SRGAP3: variants seen among roughly 807,000 people sequenced by gnomAD.
SRGAP3 encodes SLIT-ROBO Rho GTPase activating protein 3, also known as SLIT-ROBO Rho GTPase-activating protein 3.
SRGAP3 carries 39 observed loss-of-function variants against 121.1 expected under a neutral mutation model. The observed-to-expected ratio is 0.32, with a 90% confidence interval of 0.25 to 0.42. The LOEUF is 0.42. Among genes scored for constraint, SRGAP3 ranks in the 10% least tolerant of loss-of-function variants. The pLI, the probability that SRGAP3 is intolerant of heterozygous loss-of-function variation, is 1.00. For missense variants in SRGAP3, 1,213 were observed against 1,470.6 expected (o/e 0.82, Z 2.86); for synonymous variants, 601 against 570.0 (o/e 1.05, Z -0.77).
intron 3 of SRGAP3, among the ~76,000 whole-genome samples, chr3:9,321,185 G>C (rs912876151): frequency 6.6e-6 from 1 of 151,796 alleles, no homozygotes; most frequent in Non-Finnish European, 1.5e-5. Flanking sequence ...CCAACAGTCA[G>C]AATCAGCCAC....
intron 1 of SRGAP3, among the ~76,000 whole-genome samples, chr3:9,345,782 A>G (rs1280852188): frequency 7.9e-6 from 1 of 127,064 alleles, no homozygotes; most frequent in South Asian, 2.5e-4. Flanking sequence ...CAAGACTCCA[A>G]CTCAAAAAAA....
In SRGAP3 at chr3:8,990,622, G is replaced by A. The variant is rs1446905033; in HGVS notation, c.2776C>T (p.Pro926Ser). Residue 926 changes from proline (P) to serine (S), a missense_variant, in exon 21 of 22, where the codon CCT becomes TCT. Pro to Ser is a moderately conservative substitution (Grantham distance 74). Around this residue, in one of 2 missense-constraint regions of SRGAP3, gnomAD observed 420 missense variants for 437.7 expected, o/e 0.96. Coordinates refer to ENST00000383836, the MANE Select transcript of SRGAP3 (RefSeq NM_014850.4). ...CCTTCGGAGAGCGCCTTCTTGTCAG[G>A]GTAGTTGATGCTGCCAGCGCTCCCG... is the stretch of plus-strand genomic sequence containing the variant. ...TFGSAGSINYPDKKALSEGHS... is the reference protein window; with the variant it reads ...TFGSAGSINYSDKKALSEGHS... The A allele has an allele frequency of 1.2e-6, 2 of 1,613,304 alleles. No homozygotes were observed. The highest frequency in any genetic ancestry group is 1.7e-5 in the Admixed American group (1 of 59,946).
chr3:9,301,339 T>C (rs1053715886), intron 3 of SRGAP3, among the ~76,000 whole-genome samples: 1 of 152,326 alleles, frequency 6.6e-6, no homozygotes, highest in South Asian at 2.1e-4. Flanking sequence ...ATGCCTGAGA[T>C]GCAGGTCCCC....
rs1182336467 is a variant in SRGAP3, at chr3:9,053,027, T to C, written c.1323A>G (p.Thr441=). 1 of 1,613,896 alleles carries C rather than the reference T, an allele frequency of 6.2e-7. No homozygotes were observed. Among genetic ancestry groups the C allele is most frequent in the South Asian group, 1.1e-5 (1 of 91,066 alleles). Residue 441 remains threonine, a splice_region_variant and synonymous_variant, in exon 9 of 22, where the codon ACA becomes ACG. Transcript: ENST00000383836. ...GTTCTGGGCCCAGGATGCCACTTAC[T>C]GTAAAATAAAACATTTCTGTTTCCT... ...NQQETEMFYF[T]KFKEYVNGSN... is the part of the protein sequence containing the mutation.
intron 1 of SRGAP3, among the ~76,000 whole-genome samples, chr3:9,136,740 G>T (rs572209761): frequency 7.2e-5 from 11 of 152,344 alleles, no homozygotes; most frequent in African/African-American, 2.6e-4. Flanking sequence ...ATTGGAACCT[G>T]GGCCTGCCTG....
intron 3 of SRGAP3, among the ~76,000 whole-genome samples, chr3:9,291,499 G>C (rs966705631): frequency 6.6e-6 from 1 of 151,750 alleles, no homozygotes; most frequent in African/African-American, 2.4e-5. Flanking sequence ...TTTTTTCCTT[G>C]CTCTTGTATT....
intron 4 of SRGAP3, among the ~76,000 whole-genome samples, chr3:9,064,951 G>A (rs1052515588): frequency 6.6e-6 from 1 of 152,178 alleles, no homozygotes; most frequent in East Asian, 1.9e-4. Context: ...GACGTGACAA[G>A]GCAAGCCTGG....
chr3:9,019,919 C>A (rs1397438504), intron 14 of SRGAP3, among the ~76,000 whole-genome samples: 1 of 152,198 alleles, frequency 6.6e-6, no homozygotes, highest in Non-Finnish European at 1.5e-5. Flanking sequence ...CTCCATAAGA[C>A]TTCTTTGTAG....
At chr3:9,197,795 G>A (rs1281617456) in intron 1 of SRGAP3, among the ~76,000 whole-genome samples, 2 of 152,202 alleles carry the variant, frequency 1.3e-5, no homozygotes, top group Non-Finnish European at 2.9e-5. Flanking sequence ...TAAAAGAGGT[G>A]TCATAATCAA....
intron 1 of SRGAP3, among the ~76,000 whole-genome samples, chr3:9,224,856 G>A (rs1018119624): frequency 5.9e-5 from 9 of 152,162 alleles, no homozygotes; most frequent in Admixed American, 1.3e-4. Flanking sequence ...GTGTCCTATA[G>A]GTTGTGAAGG....
intron 4 of SRGAP3, among the ~76,000 whole-genome samples, chr3:9,069,578 C>T (rs777806802): frequency 6.6e-6 from 1 of 152,208 alleles, no homozygotes; most frequent in Non-Finnish European, 1.5e-5. Context: ...AGTTCAGTTG[C>T]ATGTGTTCTC....
chr3:9,326,792 T>G (rs934268525), intron 2 of SRGAP3, among the ~76,000 whole-genome samples: 2 of 151,864 alleles, frequency 1.3e-5, no homozygotes, highest in African/African-American at 4.8e-5. Flanking sequence ...ACCAAAGGTT[T>G]AAAACATTGG....
chr3:9,075,361 A>G (rs1326508822), intron 4 of SRGAP3, among the ~76,000 whole-genome samples: 3 of 146,878 alleles, frequency 2.0e-5, no homozygotes, highest in South Asian at 2.1e-4. Context: ...CAAACTGCAC[A>G]TGCATGTATG....
intron 3 of SRGAP3, among the ~76,000 whole-genome samples, chr3:9,087,264 A>G (rs976318092): frequency 3.3e-5 from 5 of 152,144 alleles, no homozygotes; most frequent in Admixed American, 6.6e-5. Flanking sequence ...GATAACACAC[A>G]TGGCAGCACC....
At chr3:9,195,258 T>C (rs1574848993) in intron 1 of SRGAP3, among the ~76,000 whole-genome samples, 1 of 152,266 alleles carries the variant, frequency 6.6e-6, no homozygotes, top group East Asian at 1.9e-4. Flanking sequence ...GTATTTCCAT[T>C]GTTTCAGCAT....
chr3:8,995,256 G>T (rs926019639), intron 18 of SRGAP3, among the ~76,000 whole-genome samples: 1 of 152,174 alleles, frequency 6.6e-6, no homozygotes, highest in Non-Finnish European at 1.5e-5. Flanking sequence ...AGGATCGCTT[G>T]AGTCCAGGAG....
intron 12 of SRGAP3, among the ~76,000 whole-genome samples, chr3:9,029,236 A>G (rs1037900116): frequency 1.3e-5 from 2 of 152,230 alleles, no homozygotes; most frequent in African/African-American, 4.8e-5. Flanking sequence ...CTAGAAACAT[A>G]ACATATAGTG....
intron 10 of SRGAP3, among the ~76,000 whole-genome samples, chr3:9,046,925 G>T (rs914555068): frequency 6.6e-6 from 1 of 151,850 alleles, no homozygotes; most frequent in African/African-American, 2.4e-5. Context: ...CTGCCTCCTG[G>T]GTTCACGCCA....
intron 1 of SRGAP3, among the ~76,000 whole-genome samples, chr3:9,140,815 C>T (rs1023586571): frequency 6.6e-6 from 1 of 152,274 alleles, no homozygotes; most frequent in Non-Finnish European, 1.5e-5. Context: ...ATAGGCATTA[C>T]TCCTCTAATA....
Sources: gnomAD v4.1 joint callset for allele counts (sites outside exome capture counted in the v4.1 genomes callset) on GRCh38, gnomAD v4.1.1 for gene constraint, gnomAD v4.1.1 regional missense constraint, MANE v1.5 for transcripts, NCBI Gene and HGNC (gene_info 2026-07-23, HGNC 2026-07-21) for gene names.